Variants in ADAMTSL1 observed in about 807,000 individuals in gnomAD.
The protein encoded by ADAMTSL1 is ADAMTS-like protein 1.
A neutral mutation model predicts 201.8 loss-of-function variants in ADAMTSL1; 126 were observed. The ratio of observed to expected loss-of-function variants is 0.62; its 90% CI spans 0.54 to 0.72. The LOEUF (loss-of-function observed/expected upper bound fraction) is 0.72, where lower values mean the gene tolerates loss of function less well. Ranked by LOEUF, ADAMTSL1 falls within the 30% of genes least tolerant of loss-of-function variation. The pLI, the probability that ADAMTSL1 is intolerant of heterozygous loss-of-function variation, is 0.00. For missense variants in ADAMTSL1, 2,679 were observed against 2,277.8 expected (o/e 1.18, Z -3.59); for synonymous variants, 1,121 against 903.4 (o/e 1.24, Z -4.32).
At chr9:18,090,980 G>T (rs1340947735) in intron 1 of ADAMTSL1, among the ~76,000 whole-genome samples, 1 of 151,874 alleles carries the variant, frequency 6.6e-6, no homozygotes, top group Non-Finnish European at 1.5e-5. Flanking sequence ...GCTTTCGCAG[G>T]TTCTCCTCAA....
At position 18,881,117 on chromosome 9, in the gene ADAMTSL1, A is replaced by G. The variant is rs185984315; in HGVS notation, c.4250-6714A>G. Among the ~76,000 whole-genome samples the G allele has an allele frequency of 6.6e-5, 10 of 152,258 alleles. No homozygotes were observed. The East Asian group carries it at 1.4e-3, about 21-fold the overall frequency. On this transcript the variant is annotated intron_variant, in intron 23 of 28. Coordinates refer to ENST00000380548, the MANE Select transcript of ADAMTSL1 (RefSeq NM_001040272.6). ...TTAAGGGAATGTTATAGCAGGTTTGATCTTCTAACCAGACCACTAAAACTT... is the reference window on the plus strand; with the variant it reads ...TTAAGGGAATGTTATAGCAGGTTTGGTCTTCTAACCAGACCACTAAAACTT...
chr9:18,424,663 T>A (rs1227970375), intron 2 of ADAMTSL1, among the ~76,000 whole-genome samples: 1 of 152,190 alleles, frequency 6.6e-6, no homozygotes, highest in Non-Finnish European at 1.5e-5. Flanking sequence ...ATGAAGATTA[T>A]TTATTCACTC....
intron 3 of ADAMTSL1, among the ~76,000 whole-genome samples, chr9:18,564,306 C>G (rs1821738393): frequency 6.6e-6 from 1 of 152,168 alleles, no homozygotes; most frequent in Non-Finnish European, 1.5e-5. Flanking sequence ...AGGCGACGCA[C>G]CACCCTGCTT....
chr9:18,690,216 T>TAA (rs755436284), intron 13 of ADAMTSL1, among the ~76,000 whole-genome samples: 8,504 of 152,268 alleles, frequency 0.056, 367 homozygotes, highest in African/African-American at 0.12. Context: ...TTGTTTATCT[T>TAA]GTTGAAAATA....
At chr9:17,992,574 C>T (rs188215675) in intron 1 of ADAMTSL1, among the ~76,000 whole-genome samples, 1 of 152,026 alleles carries the variant, frequency 6.6e-6, no homozygotes, top group African/African-American at 2.4e-5. Flanking sequence ...TCATCTGAGG[C>T]TAGGAGTTCA....
chr9:18,026,439 GC>G (rs1437761568), intron 1 of ADAMTSL1, among the ~76,000 whole-genome samples: 1 of 151,972 alleles, frequency 6.6e-6, no homozygotes, highest in African/African-American at 2.4e-5. Flanking sequence ...TTTATTGAAA[GC>G]TTTTTCTGTG....
chr9:18,575,037 A>G (rs1463816387), intron 4 of ADAMTSL1, among the ~76,000 whole-genome samples: 9 of 152,194 alleles, frequency 5.9e-5, no homozygotes, highest in South Asian at 2.1e-4. Flanking sequence ...ATATTTCATG[A>G]AGCAGACACA....
At chr9:18,585,525 A>G (rs948376333) in intron 4 of ADAMTSL1, among the ~76,000 whole-genome samples, 7 of 152,216 alleles carry the variant, frequency 4.6e-5, no homozygotes, top group Non-Finnish European at 1.5e-5. Context: ...TGAGGCTCAT[A>G]GAAAGTCATA....
chr9:18,520,239 A>G (rs1047420335), intron 2 of ADAMTSL1, among the ~76,000 whole-genome samples: 2 of 152,240 alleles, frequency 1.3e-5, no homozygotes, highest in African/African-American at 4.8e-5. Context: ...TTGGTTCCAT[A>G]TGGTCGAGAG....
chr9:18,599,996 C>CAAAAAAAAAAAAA (rs57914274), intron 4 of ADAMTSL1, among the ~76,000 whole-genome samples: 2 of 86,944 alleles, frequency 2.3e-5, no homozygotes, highest in African/African-American at 4.7e-5. Context: ...ACTAAAAATA[C>CAAAAAAAAAAAAA]AAAAAAAAAA....
intron 2 of ADAMTSL1, among the ~76,000 whole-genome samples, chr9:18,364,368 A>C (rs1375070950): frequency 6.6e-6 from 1 of 152,132 alleles, no homozygotes; most frequent in Non-Finnish European, 1.5e-5. Flanking sequence ...ATCCCTAAAA[A>C]ACTCAGGCGA....
At position 18,719,972 on chromosome 9, in the gene ADAMTSL1, C is replaced by T. The variant is rs191055060; in HGVS notation, c.1877-1564C>T. ...GTATATTGCTAATTACATGGATAGT[C>T]CCAGACTCTACTATAACTATATATA... On this transcript the variant is annotated intron_variant, in intron 14 of 28. Transcript: ENST00000380548. Among the ~76,000 whole-genome samples the T allele has an allele frequency of 2.0e-5, 3 of 152,270 alleles. No homozygotes were observed. The East Asian group carries it at 5.8e-4, about 29-fold the overall frequency.
intron 2 of ADAMTSL1, among the ~76,000 whole-genome samples, chr9:18,457,779 C>T (rs750509753): frequency 6.6e-6 from 1 of 152,200 alleles, no homozygotes; most frequent in Non-Finnish European, 1.5e-5. Context: ...TAATGCTTTT[C>T]CTTTCCCCTA....
At chr9:18,633,310 G>A (rs776791) in intron 5 of ADAMTSL1, among the ~76,000 whole-genome samples, 7 of 151,788 alleles carry the variant, frequency 4.6e-5, no homozygotes, top group East Asian at 2.0e-4. Flanking sequence ...GCCCAGTCTC[G>A]GCCGGGTGTG....
chr9:18,647,532 G>A (rs1394290856), intron 7 of ADAMTSL1, among the ~76,000 whole-genome samples: 10 of 151,410 alleles, frequency 6.6e-5, no homozygotes, highest in Non-Finnish European at 7.4e-5. Context: ...TTAGTGCTAT[G>A]AATTTCCCTC....
At chr9:18,030,705 C>T (rs984738176) in intron 1 of ADAMTSL1, among the ~76,000 whole-genome samples, 11 of 151,854 alleles carry the variant, frequency 7.2e-5, no homozygotes, top group African/African-American at 2.2e-4. Context: ...GAGAATTGAC[C>T]TCTCTAGTAA....
chr9:18,861,444 C>G (rs549503050), intron 23 of ADAMTSL1, among the ~76,000 whole-genome samples: 107 of 152,276 alleles, frequency 7.0e-4, no homozygotes, highest in Admixed American at 1.2e-3. Flanking sequence ...CTGAACCAGG[C>G]CACTTCTTCC....
At chr9:18,559,492 T>C (rs1821333727) in intron 3 of ADAMTSL1, among the ~76,000 whole-genome samples, 1 of 152,222 alleles carries the variant, frequency 6.6e-6, no homozygotes, top group Non-Finnish European at 1.5e-5. Flanking sequence ...CTATATGAGC[T>C]CTTTTTTGGT....
intron 18 of ADAMTSL1, 26 bp from the exon 19 acceptor site, chr9:18,776,755 T>TC: frequency 6.6e-7 from 1 of 1,521,644 alleles, no homozygotes; most frequent in Non-Finnish European, 8.8e-7. Context: ...TCTTTCTCTG[T>TC]CCCTTCGGGT....
Sources: allele counts gnomAD v4.1 joint callset (sites outside exome capture counted in the v4.1 genomes callset), GRCh38; gene constraint gnomAD v4.1.1; transcripts MANE v1.5; gene names NCBI Gene and HGNC (gene_info 2026-07-23, HGNC 2026-07-21).